Variants in MCMDC2 observed in about 807,000 individuals in gnomAD.
MCMDC2 encodes the protein minichromosome maintenance domain containing 2, also known as minichromosome maintenance domain-containing protein 2.
Under a neutral mutation model 75.8 loss-of-function variants are expected in MCMDC2, and 54 were observed. That is an observed-to-expected ratio of 0.71 (90% CI 0.57 to 0.89). The LOEUF is 0.89. Ranked by LOEUF, MCMDC2 falls within the 40% of genes least tolerant of loss-of-function variation. The pLI is 0.00. For missense variants in MCMDC2, 656 were observed against 780.4 expected, an observed-to-expected ratio of 0.84 and a Z score of 1.90; for synonymous variants, 249 against 274.6, an observed-to-expected ratio of 0.91 and a Z score of 0.92.
downstream of MCMDC2, among the ~76,000 whole-genome samples, chr8:66,923,559 A>C (rs766687159): frequency 2.0e-5 from 3 of 152,204 alleles, no homozygotes; most frequent in Admixed American, 1.3e-4. Flanking sequence ...ATTATGATTC[A>C]CAGGAACTAC....
At chr8:66,903,027 C>A (rs1157441418) in intron 13 of MCMDC2, among the ~76,000 whole-genome samples, 1 of 150,766 alleles carries the variant, frequency 6.6e-6, no homozygotes, top group African/African-American at 2.4e-5. Flanking sequence ...GGCTGTGACA[C>A]AGGAGAATCA....
At chr8:66,888,485 T>A (rs1197185692) in intron 9 of MCMDC2, among the ~76,000 whole-genome samples, 1 of 152,200 alleles carries the variant, frequency 6.6e-6, no homozygotes, top group Non-Finnish European at 1.5e-5. Context: ...ATCTTAATAA[T>A]ATTGAGTCTT....
chr8:66,885,112 T>C (rs1301287839), intron 9 of MCMDC2, among the ~76,000 whole-genome samples: 2 of 152,044 alleles, frequency 1.3e-5, no homozygotes, highest in Admixed American at 1.3e-4. Flanking sequence ...GGTGGGTGGA[T>C]CATGAGGTCA....
intron 12 of MCMDC2, among the ~76,000 whole-genome samples, chr8:66,900,270 C>T (rs1812591321): frequency 6.6e-6 from 1 of 151,920 alleles, no homozygotes; most frequent in Non-Finnish European, 1.5e-5. Context: ...AACCCCATCT[C>T]TACCAAAAAT....
At chr8:66,904,495 C>T (rs746683759) in intron 13 of MCMDC2, among the ~76,000 whole-genome samples, 25 of 152,098 alleles carry the variant, frequency 1.6e-4, no homozygotes, top group Non-Finnish European at 3.5e-4. Context: ...CTTTCAAATG[C>T]CTTTACTTAT....
At chr8:66,904,096 C>T (rs1303753971) in intron 13 of MCMDC2, among the ~76,000 whole-genome samples, 1 of 151,972 alleles carries the variant, frequency 6.6e-6, no homozygotes, top group Non-Finnish European at 1.5e-5. Context: ...ATTAATAATA[C>T]TGAGAGTTGG....
chr8:66,924,831 G>C (rs1046138772), downstream of MCMDC2, among the ~76,000 whole-genome samples: 1 of 152,040 alleles, frequency 6.6e-6, no homozygotes, highest in Non-Finnish European at 1.5e-5. Flanking sequence ...CTTGACTTTA[G>C]CGCGTATTAC....
chr8:66,910,853 A>C (rs1813086536), intron 14 of MCMDC2, among the ~76,000 whole-genome samples: 1 of 151,982 alleles, frequency 6.6e-6, no homozygotes, highest in African/African-American at 2.4e-5. Context: ...TTGGACTTGC[A>C]TGGGGCTTGC....
intron 14 of MCMDC2, among the ~76,000 whole-genome samples, chr8:66,908,523 C>T (rs76093003): frequency 0.018 from 2,789 of 152,074 alleles, 87 homozygotes; most frequent in African/African-American, 0.062. Flanking sequence ...AACTGGAGTA[C>T]GGTAATAAGA....
At chr8:66,914,307 A>G (rs1284806511) in intron 14 of MCMDC2, among the ~76,000 whole-genome samples, 1 of 150,278 alleles carries the variant, frequency 6.7e-6, no homozygotes, top group Non-Finnish European at 1.5e-5. Context: ...AAAAAAAACT[A>G]AAGACACTAA....
At chr8:66,905,383 C>T (rs1812865479) in intron 14 of MCMDC2, 48 bp downstream of exon 14, 1 of 1,318,586 alleles carries the variant, frequency 7.6e-7, no homozygotes, top group Non-Finnish European at 9.9e-7. Context: ...TTTTATTTAA[C>T]CTTAAATATT....
intron 13 of MCMDC2, among the ~76,000 whole-genome samples, chr8:66,902,415 C>T (rs942338994): frequency 6.7e-6 from 1 of 150,262 alleles, no homozygotes; most frequent in Middle Eastern, 3.3e-3. Context: ...AAAGCCTGGC[C>T]TAGTGGCTCA....
intron 8 of MCMDC2, among the ~76,000 whole-genome samples, chr8:66,881,700 T>G (rs888230805): frequency 2.6e-5 from 4 of 151,488 alleles, no homozygotes; most frequent in South Asian, 2.1e-4. Context: ...GAAAAAAAAA[T>G]AAAAAGCGTC....
At chr8:66,900,246 G>A (rs1032096543) in intron 12 of MCMDC2, among the ~76,000 whole-genome samples, 3 of 152,144 alleles carry the variant, frequency 2.0e-5, no homozygotes, top group Middle Eastern at 6.8e-3. Flanking sequence ...AGACCAGCCT[G>A]GCCAACATAG....
chr8:66,905,260 T>G lies in MCMDC2; in HGVS notation c.1804T>G (p.Leu602Val). 1 of 1,498,688 alleles carries G rather than the reference T, an allele frequency of 6.7e-7. No homozygotes were observed. The highest frequency in any genetic ancestry group is 8.9e-7 in the Non-Finnish European group (1 of 1,121,062). 92.8% of individuals were successfully genotyped at this position (1,498,688 alleles called of 1,614,324 possible). A position where few individuals can be genotyped will look rare whatever the true frequency, so the allele number is the denominator to read the frequency against. The change falls in exon 14 of 15, where the codon TTA (leucine) becomes GTA (valine). Residue 602 changes from leucine to valine, a missense_variant. Coordinates refer to ENST00000422365, the MANE Select transcript of MCMDC2 (RefSeq NM_173518.5). ...ATCTGAAGCCCATGCACGACTGAAC[T>G]TAAGGAACAAAGTGCTTAAAGAAGA... ...FLSEAHARLN[L>V]RNKVLKEDVL...
Position 66,874,231 on chromosome 8 carries a change from A to C in MCMDC2, c.91A>C (p.Asn31His). ...GTTTATAGATGATTGCAAGTACTAC[A>C]ATGGTACGTTCAGCAAAGGTGAGTT... The part of the protein sequence containing the change: ...QKFIDDCKYY[N>H]DSKQSYAVYR... Residue 31 changes from asparagine to histidine, a missense_variant, in exon 2 of 15, where the codon AAT (asparagine) becomes CAT (histidine). Transcript: ENST00000422365. 1 of 1,612,052 alleles carries C rather than the reference A, an allele frequency of 6.2e-7. No homozygotes were observed. Among genetic ancestry groups the C allele is most frequent in the Non-Finnish European group, 8.5e-7 (1 of 1,179,426 alleles).
Position 66,890,863 on chromosome 8 carries a change from A to C in MCMDC2, c.1074-2A>C. The C allele has an allele frequency of 6.3e-7, 1 of 1,595,092 alleles. No homozygotes were observed. Among genetic ancestry groups the C allele is most frequent in the Non-Finnish European group, 8.5e-7 (1 of 1,174,900 alleles). On this transcript the variant is annotated splice_acceptor_variant, in intron 9 of 14. Transcript: ENST00000422365. LOFTEE classifies it high-confidence loss of function. ...AATGAAAAGTTTATTTTTTTTCCCT[A>C]GGCTTCTGAATTTTAGCATAAACCT... is the stretch of plus-strand genomic sequence containing the variant.
intron 9 of MCMDC2, among the ~76,000 whole-genome samples, chr8:66,889,028 CATTTT>C (rs991538747): frequency 2.4e-4 from 37 of 152,282 alleles, no homozygotes; most frequent in African/African-American, 8.9e-4. Context: ...CTCTCTCTCT[CATTTT>C]ATATATCTTC....
At chr8:66,911,126 G>A (rs1813102526) in intron 14 of MCMDC2, among the ~76,000 whole-genome samples, 1 of 152,176 alleles carries the variant, frequency 6.6e-6, no homozygotes, top group African/African-American at 2.4e-5. Context: ...AGGGGTTGGG[G>A]TGGACTGATA....
Sources: gnomAD v4.1 joint callset for allele counts (sites outside exome capture counted in the v4.1 genomes callset) on GRCh38, gnomAD v4.1.1 for gene constraint, MANE v1.5 for transcripts, NCBI Gene and HGNC (gene_info 2026-07-23, HGNC 2026-07-21) for gene names.